LRP1B: variants seen among roughly 807,000 people sequenced by gnomAD.
LRP1B encodes the protein LDL receptor related protein 1B.
A neutral mutation model predicts 556.6 loss-of-function variants in LRP1B; 217 were observed. That is an observed-to-expected ratio of 0.39 (90% confidence interval 0.35 to 0.44). The LOEUF (loss-of-function observed/expected upper bound fraction) is 0.44, where lower values mean the gene tolerates loss of function less well. Among genes scored for constraint, LRP1B ranks in the 20% least tolerant of loss-of-function variants. The pLI, the probability that LRP1B is intolerant of heterozygous loss-of-function variation, is 1.00. For synonymous variants in LRP1B, 2,047 were observed against 1,865.8 expected (o/e 1.10, Z -2.50); for missense variants, 5,053 against 5,620.8 (o/e 0.90, Z 3.23).
intron 2 of LRP1B, among the ~76,000 whole-genome samples, chr2:141,700,020 G>A (rs913279526): frequency 6.6e-6 from 1 of 151,340 alleles, no homozygotes; most frequent in African/African-American, 2.4e-5. Flanking sequence ...ATGTAAATAT[G>A]AGGTTTAGTG....
At chr2:140,555,099 T>A (rs1041498868) in intron 43 of LRP1B, among the ~76,000 whole-genome samples, 1 of 152,002 alleles carries the variant, frequency 6.6e-6, no homozygotes, top group Non-Finnish European at 1.5e-5. Context: ...CCTGGATTTT[T>A]AATATTTTAG....
In LRP1B at chr2:142,046,495, A is replaced by G. The variant is rs140023032; in HGVS notation, c.82+84153T>C. ...AAATTAGGCTGCAGCTTGGTAATCAACACTCTTTCTCCACAGTAAATGAAA... is the reference window on the plus strand; with the variant it reads ...AAATTAGGCTGCAGCTTGGTAATCAGCACTCTTTCTCCACAGTAAATGAAA... On this transcript the variant is annotated intron_variant, in intron 1 of 90. Transcript: ENST00000389484. Among the ~76,000 whole-genome samples, 70 of 152,098 alleles carry G rather than the reference A, an allele frequency of 4.6e-4. No individual in the cohort carries two copies. The Middle Eastern group carries it at 0.02, about 44-fold the overall frequency.
chr2:141,468,480 A>G (rs1165036207), intron 3 of LRP1B, among the ~76,000 whole-genome samples: 1 of 152,230 alleles, frequency 6.6e-6, no homozygotes, highest in East Asian at 1.9e-4. Flanking sequence ...CAGTCTATAT[A>G]CACACATATA....
intron 32 of LRP1B, among the ~76,000 whole-genome samples, chr2:140,811,643 C>A (rs1045322108): frequency 6.6e-6 from 1 of 152,074 alleles, no homozygotes; most frequent in Non-Finnish European, 1.5e-5. Flanking sequence ...TTACAGCTTA[C>A]TCAACTACTT....
intron 2 of LRP1B, among the ~76,000 whole-genome samples, chr2:141,598,096 AT>A (rs1006124049): frequency 1.3e-5 from 2 of 151,604 alleles, no homozygotes; most frequent in East Asian, 1.9e-4. Flanking sequence ...ATGATATATA[AT>A]TTTTTTATTA....
At chr2:141,431,654 C>T (rs896025211) in intron 3 of LRP1B, among the ~76,000 whole-genome samples, 15 of 152,214 alleles carry the variant, frequency 9.9e-5, no homozygotes, top group African/African-American at 3.6e-4. Context: ...TCTTTAGTTT[C>T]TTAGAATGGT....
intron 2 of LRP1B, among the ~76,000 whole-genome samples, chr2:141,729,811 GA>G (rs1438125315): frequency 2.0e-5 from 3 of 152,016 alleles, no homozygotes; most frequent in Non-Finnish European, 4.4e-5. Context: ...ACTGTAGGTG[GA>G]GTAAAACAGT....
chr2:141,699,217 G>A (rs997012527), intron 2 of LRP1B, among the ~76,000 whole-genome samples: 3 of 151,664 alleles, frequency 2.0e-5, no homozygotes, highest in African/African-American at 7.3e-5. Flanking sequence ...CTGATACCTG[G>A]TCTCTCTTCC....
chr2:141,117,673 C>A (rs1700940741), intron 7 of LRP1B, among the ~76,000 whole-genome samples: 1 of 151,790 alleles, frequency 6.6e-6, no homozygotes, highest in African/African-American at 2.4e-5. Flanking sequence ...TATTTGTAGA[C>A]AAATAATTTC....
intron 76 of LRP1B, among the ~76,000 whole-genome samples, chr2:140,351,794 T>C (rs761004869): frequency 9.9e-5 from 15 of 152,174 alleles, no homozygotes; most frequent in Non-Finnish European, 1.6e-4. Flanking sequence ...GCCTTTCAGC[T>C]CTGTAATGTT....
At chr2:140,985,153 A>C (rs528221207) in intron 17 of LRP1B, among the ~76,000 whole-genome samples, 17 of 151,928 alleles carry the variant, frequency 1.1e-4, no homozygotes, top group Non-Finnish European at 2.2e-4. Context: ...TGCTTCTCCT[A>C]TAGCCATGTA....
At chr2:140,938,108 A>G (rs1695283470) in intron 20 of LRP1B, among the ~76,000 whole-genome samples, 1 of 152,116 alleles carries the variant, frequency 6.6e-6, no homozygotes, top group South Asian at 2.1e-4. Context: ...TTACCATTAT[A>G]TACTTATAAG....
chr2:141,841,374 G>A (rs567392627), intron 1 of LRP1B, among the ~76,000 whole-genome samples: 84 of 152,168 alleles, frequency 5.5e-4, no homozygotes, highest in Admixed American at 3.9e-3. Context: ...CCAGATTCTC[G>A]TTTGTTACAT....
intron 7 of LRP1B, among the ~76,000 whole-genome samples, chr2:141,178,085 A>C (rs1487200126): frequency 6.6e-6 from 1 of 152,148 alleles, no homozygotes; most frequent in Non-Finnish European, 1.5e-5. Context: ...AAACAAAACC[A>C]GGAGTGTAGC....
At chr2:142,021,904 A>G (rs977237719) in intron 1 of LRP1B, among the ~76,000 whole-genome samples, 11 of 152,162 alleles carry the variant, frequency 7.2e-5, no homozygotes, top group African/African-American at 2.4e-4. Context: ...GTTTCACTGC[A>G]TGATATTTGT....
Position 141,952,424 on chromosome 2 carries a change from A to G in LRP1B, c.83-142023T>C, listed in dbSNP as rs568149336. Among the ~76,000 whole-genome samples the G allele has an allele frequency of 3.7e-4, 56 of 152,278 alleles. 3 individuals carry two copies. The South Asian group carries it at 9.3e-3, about 25-fold the overall frequency. On this transcript the variant is annotated intron_variant, in intron 1 of 90. Transcript: ENST00000389484. ...AAACAAATATGGCACATATTTCTAT[A>G]TAGATGCCTTGAACAGAATTACAAA...
chr2:141,781,722 C>T (rs1695260656), intron 2 of LRP1B, among the ~76,000 whole-genome samples: 1 of 152,112 alleles, frequency 6.6e-6, no homozygotes, highest in Non-Finnish European at 1.5e-5. Flanking sequence ...TAGGAAGACT[C>T]TTTGGAGTTA....
rs143095098 is a variant in LRP1B, at chr2:140,925,805, T to C, written c.3137-2658A>G. Among the ~76,000 whole-genome samples the C allele has an allele frequency of 1.5e-3, 232 of 152,292 alleles. 1 individual carries two copies. Among genetic ancestry groups the C allele is most frequent in the African/African-American group, 4.3e-3 (178 of 41,572 alleles). On this transcript the variant is annotated intron_variant, in intron 20 of 90. Transcript: ENST00000389484. Reference sequence around the variant, plus strand: ...GTCTTGGGCTGGCATCCTTGCAAAGTTGACAGCTACTACCTGCTTTATATG... The same window carrying C: ...GTCTTGGGCTGGCATCCTTGCAAAGCTGACAGCTACTACCTGCTTTATATG...
intron 1 of LRP1B, among the ~76,000 whole-genome samples, chr2:141,884,015 T>G (rs756739169): frequency 6.6e-6 from 1 of 152,200 alleles, no homozygotes; most frequent in Non-Finnish European, 1.5e-5. Context: ...ACAAATTTTA[T>G]ACTTAAACAT....
Sources: gnomAD v4.1 joint callset for allele counts (sites outside exome capture counted in the v4.1 genomes callset) on GRCh38, gnomAD v4.1.1 for gene constraint, MANE v1.5 for transcripts, NCBI Gene and HGNC (gene_info 2026-07-23, HGNC 2026-07-21) for gene names.